Variants in RNF125 observed in about 807,000 individuals in gnomAD.
RNF125 encodes the protein E3 ubiquitin-protein ligase RNF125.
A neutral mutation model predicts 26.0 loss-of-function variants in RNF125; 21 were observed. That is an observed-to-expected ratio of 0.81 (90% CI 0.57 to 1.16). The LOEUF (loss-of-function observed/expected upper bound fraction) is 1.16, where lower values mean the gene tolerates loss of function less well. Among genes scored for constraint, RNF125 ranks in the 50% most tolerant of loss-of-function variants. The pLI is 0.00. For missense variants in RNF125, 270 were observed against 299.4 expected, an observed-to-expected ratio of 0.90 and a Z score of 0.72; for synonymous variants, 95 against 109.2, an observed-to-expected ratio of 0.87 and a Z score of 0.81.
intron 1 of RNF125, among the ~76,000 whole-genome samples, chr18:32,025,533 C>A (rs2039024810): frequency 6.6e-6 from 1 of 151,906 alleles, no homozygotes; most frequent in Non-Finnish European, 1.5e-5. Context: ...GGGGTGGTGG[C>A]AGGCACCTGT....
intron 4 of RNF125, among the ~76,000 whole-genome samples, chr18:32,047,924 A>C (rs2039287134): frequency 6.6e-6 from 1 of 152,196 alleles, no homozygotes; most frequent in African/African-American, 2.4e-5. Context: ...CAAGAGTTCG[A>C]GACCAGCCTG....
chr18:32,077,882 A>G (rs2039580815), downstream of RNF125, among the ~76,000 whole-genome samples: 3 of 149,460 alleles, frequency 2.0e-5, no homozygotes, highest in Admixed American at 2.0e-4. Context: ...TTGACCTCCC[A>G]GGTCCAAGTG....
At chr18:32,058,029 G>A (rs2039401771) in intron 4 of RNF125, among the ~76,000 whole-genome samples, 1 of 151,536 alleles carries the variant, frequency 6.6e-6, no homozygotes, top group South Asian at 2.1e-4. Context: ...CATTTTATGA[G>A]GCCAAAGTGG....
chr18:32,086,442 C>G, the RNF125 span, among the ~76,000 whole-genome samples: 1 of 151,458 alleles, frequency 6.6e-6, no homozygotes, highest in Non-Finnish European at 1.5e-5. Flanking sequence ...GCCTTGACCT[C>G]CCAGGCTCAA....
intron 1 of RNF125, among the ~76,000 whole-genome samples, chr18:32,025,534 A>G (rs34005427): frequency 6.6e-6 from 1 of 151,914 alleles, no homozygotes; most frequent in South Asian, 2.1e-4. Flanking sequence ...GGGTGGTGGC[A>G]GGCACCTGTA....
the RNF125 span, among the ~76,000 whole-genome samples, chr18:32,087,128 A>G: frequency 1.1e-4 from 16 of 152,134 alleles, no homozygotes; most frequent in Admixed American, 8.5e-4. Context: ...ACCTTACCCT[A>G]TGCGTCTCGT....
chr18:32,054,085 A>C (rs575639519), intron 4 of RNF125, among the ~76,000 whole-genome samples: 5 of 115,508 alleles, frequency 4.3e-5, no homozygotes, highest in African/African-American at 1.7e-4. Context: ...AGACATTTGT[A>C]CTTTTTTTTT....
At chr18:32,024,203 T>C (rs1598806552) in intron 1 of RNF125, among the ~76,000 whole-genome samples, 1 of 95,276 alleles carries the variant, frequency 1.0e-5, no homozygotes. Flanking sequence ...TTTTTTTTTT[T>C]TTTTTCTTTT....
rs572491380 is a variant in RNF125, at chr18:32,030,667, C to T, written c.165-6449C>T. 5.3e-5 allele frequency among the ~76,000 whole-genome samples: 8 copies of T among 152,312 alleles called. No individual in the cohort carries two copies. In the East Asian group the frequency reaches 9.6e-4, roughly 18 times the overall value. ...AAAGTAAACCAGAAACACTAGTTCA[C>T]GCCATGATGGGAATGGGTATTTATC... On this transcript the variant is annotated intron_variant, in intron 1 of 5. Transcript: ENST00000217740.
At chr18:32,035,073 A>G (rs1462178387) in intron 1 of RNF125, among the ~76,000 whole-genome samples, 1 of 152,158 alleles carries the variant, frequency 6.6e-6, no homozygotes, top group Non-Finnish European at 1.5e-5. Context: ...CATGGTCTAT[A>G]CTTGACTTGG....
intron 1 of RNF125, among the ~76,000 whole-genome samples, chr18:32,035,328 C>T (rs77802742): frequency 0.024 from 3,658 of 151,778 alleles, 138 homozygotes; most frequent in African/African-American, 0.085. Flanking sequence ...AATACTGTTA[C>T]GAATCAGTCA....
rs1598829257 is a variant in RNF125, at chr18:32,068,500, GTGTT to G, written c.*120_*123del. 1 of 661,572 alleles carries G rather than the reference GTGTT, an allele frequency of 1.5e-6. No individual in the cohort carries two copies. Among genetic ancestry groups the G allele is most frequent in the Non-Finnish European group, 2.7e-6 (1 of 364,472 alleles). The allele number at this position is 661,572 out of a possible 1,614,324, so 41.0% of individuals were successfully genotyped here. A position where few individuals can be genotyped will look rare whatever the true frequency, so the allele number is the denominator to read the frequency against. Reference sequence around the variant, plus strand: ...GGGCAAAAATGTACAACACAGTTATGTGTTTGTCCATGTTTATTGTTATAGTGCA... The same window carrying G: ...GGGCAAAAATGTACAACACAGTTATGTGTCCATGTTTATTGTTATAGTGCA... On this transcript the variant is annotated 3_prime_UTR_variant, in exon 6 of 6. Coordinates refer to ENST00000217740, the MANE Select transcript of RNF125 (RefSeq NM_017831.4).
chr18:32,046,522 G>A (rs1268652281), intron 4 of RNF125, among the ~76,000 whole-genome samples: 1 of 151,008 alleles, frequency 6.6e-6, no homozygotes, highest in African/African-American at 2.4e-5. Flanking sequence ...GTGTGAACCC[G>A]GGAGGCGGAG....
rs1425326354 is a variant in RNF125, at chr18:32,072,370, A to C, written c.*3986A>C. 1 of 152,250 alleles carries C rather than the reference A, an allele frequency of 6.6e-6. No individual in the cohort carries two copies. Among genetic ancestry groups the C allele is most frequent in the Non-Finnish European group, 1.5e-5 (1 of 68,048 alleles). 9.4% of individuals were successfully genotyped at this position (152,250 alleles called of 1,614,324 possible). On this transcript the variant is annotated 3_prime_UTR_variant, in exon 6 of 6. Coordinates refer to ENST00000217740, the MANE Select transcript of RNF125 (RefSeq NM_017831.4). ...TTTTAAGCATTGGTGTTGACCATGC[A>C]GACAAACTTTTGTTAATTCAGAGCG...
At chr18:32,044,573 C>G (rs1017224693) in intron 3 of RNF125, among the ~76,000 whole-genome samples, 1 of 151,414 alleles carries the variant, frequency 6.6e-6, no homozygotes, top group Non-Finnish European at 1.5e-5. Context: ...TAGAGTTTCA[C>G]GCCTGTTGCC....
At chr18:32,027,814 C>T (rs562808198) in intron 1 of RNF125, among the ~76,000 whole-genome samples, 18 of 151,770 alleles carry the variant, frequency 1.2e-4, no homozygotes, top group Admixed American at 4.6e-4. Context: ...TGCATATGGG[C>T]GTGGGAGTCA....
the RNF125 span, among the ~76,000 whole-genome samples, chr18:32,086,525 A>ATTT: frequency 7.0e-6 from 1 of 143,378 alleles, no homozygotes; most frequent in Non-Finnish European, 1.5e-5. Context: ...CTAATTTCTA[A>ATTT]TTTTTTTTTT....
intron 4 of RNF125, among the ~76,000 whole-genome samples, chr18:32,052,884 G>A (rs2039342331): frequency 6.6e-6 from 1 of 152,150 alleles, no homozygotes; most frequent in Non-Finnish European, 1.5e-5. Flanking sequence ...ATATTAGATT[G>A]CATACATAGT....
At chr18:32,021,272 G>A (rs2038984211) in intron 1 of RNF125, among the ~76,000 whole-genome samples, 1 of 152,182 alleles carries the variant, frequency 6.6e-6, no homozygotes, top group African/African-American at 2.4e-5. Context: ...AGTAGAGACG[G>A]GGTTTCACCG....
Sources: allele counts gnomAD v4.1 joint callset (sites outside exome capture counted in the v4.1 genomes callset), GRCh38; gene constraint gnomAD v4.1.1; transcripts MANE v1.5; gene names NCBI Gene and HGNC (gene_info 2026-07-23, HGNC 2026-07-21).